Variants in MAK observed in about 807,000 individuals in gnomAD.
MAK encodes male germ cell associated kinase.
In MAK, 65 loss-of-function variants were observed where a neutral mutation model predicts 82.6. The ratio of observed to expected loss-of-function variants is 0.79; its 90% CI spans 0.64 to 0.97. The LOEUF is 0.97. Among genes scored for constraint, MAK ranks in the 50% least tolerant of loss-of-function variants. The probability of loss-of-function intolerance (pLI) is 0.00; values close to 1 mark genes in which losing one functional copy is unlikely to be tolerated. For missense variants in MAK, 703 were observed against 780.2 expected, an observed-to-expected ratio of 0.90 and a Z score of 1.18; for synonymous variants, 250 against 274.2, an observed-to-expected ratio of 0.91 and a Z score of 0.87.
chr6:10,818,816 A>C (rs573738211), intron 3 of MAK, 70 bp downstream of exon 3: 1 of 833,578 alleles, frequency 1.2e-6, no homozygotes, highest in African/African-American at 1.7e-5. Flanking sequence ...CAGAGAATAA[A>C]ATCATCTTAA....
At chr6:10,828,737 G>T (rs563480) in intron 2 of MAK, among the ~76,000 whole-genome samples, 8,603 of 152,146 alleles carry the variant, frequency 0.057, 272 homozygotes, top group Admixed American at 0.099. Context: ...TGAGGCTATA[G>T]TGAGCTATGT....
chr6:10,837,195 A>C (rs1193646259), intron 1 of MAK, among the ~76,000 whole-genome samples: 1 of 152,244 alleles, frequency 6.6e-6, no homozygotes, highest in African/African-American at 2.4e-5. Flanking sequence ...CAAAAGAGTA[A>C]TTAACGTTTT....
intron 4 of MAK, 32 bp downstream of exon 4, chr6:10,817,817 GA>G: frequency 6.9e-7 from 1 of 1,451,422 alleles, no homozygotes; most frequent in South Asian, 1.1e-5. Flanking sequence ...CTCATGGAGA[GA>G]ATAACAGGGA....
chr6:10,780,472 T>G (rs1309668798), intron 11 of MAK, among the ~76,000 whole-genome samples: 1 of 150,404 alleles, frequency 6.6e-6, no homozygotes, highest in African/African-American at 2.4e-5. Context: ...TTTTTTTTTT[T>G]TGAGACAGAG....
At chr6:10,810,750 T>A (rs1164987931) in intron 5 of MAK, among the ~76,000 whole-genome samples, 2 of 152,230 alleles carry the variant, frequency 1.3e-5, no homozygotes, top group African/African-American at 4.8e-5. Flanking sequence ...ATCCAGTACT[T>A]CTTACTCTAA....
At chr6:10,836,517 T>C (rs1344644195) in intron 1 of MAK, among the ~76,000 whole-genome samples, 1 of 152,190 alleles carries the variant, frequency 6.6e-6, no homozygotes, top group African/African-American at 2.4e-5. Context: ...GCAACTACTT[T>C]TATCAATGTG....
intron 11 of MAK, chr6:10,779,540 A>G (rs550060486): frequency 1.1e-4 from 109 of 949,268 alleles, no homozygotes; most frequent in Non-Finnish European, 1.3e-4. Flanking sequence ...AGAATCCTAA[A>G]AGTCGATGCT....
Position 10,764,778 on chromosome 6 carries a change from T to G in MAK, c.1793-172A>C, listed in dbSNP as rs114024457. ...TAAAACCAAAAATTCTAGTGTAGTA[T>G]TATGTTGACATCCATTAGAATTTCC... On this transcript the variant is annotated intron_variant, in intron 14 of 14. Transcript: ENST00000354489. Among the ~76,000 whole-genome samples the G allele has an allele frequency of 6.4e-3, 970 of 152,270 alleles. 11 individuals are homozygous for G. The highest frequency in any genetic ancestry group is 0.022 in the African/African-American group (924 of 41,550).
intron 1 of MAK, among the ~76,000 whole-genome samples, chr6:10,834,149 G>A (rs1779000540): frequency 6.6e-6 from 1 of 152,090 alleles, no homozygotes; most frequent in African/African-American, 2.4e-5. Context: ...ATATTCAATT[G>A]CTGTACACTC....
At chr6:10,808,028 A>G (rs766307474) in intron 6 of MAK, among the ~76,000 whole-genome samples, 8 of 151,946 alleles carry the variant, frequency 5.3e-5, no homozygotes, top group Admixed American at 1.3e-4. Context: ...AGATCACGCC[A>G]TTGCACTCCA....
chr6:10,828,834 A>C (rs961253210), intron 2 of MAK, among the ~76,000 whole-genome samples: 1 of 152,180 alleles, frequency 6.6e-6, no homozygotes, highest in Non-Finnish European at 1.5e-5. Context: ...AGACATGCAC[A>C]ACGAGAAGAT....
chr6:10,774,928 G>C (rs189553608), intron 12 of MAK, among the ~76,000 whole-genome samples: 1 of 152,336 alleles, frequency 6.6e-6, no homozygotes, highest in Admixed American at 6.5e-5. Flanking sequence ...TGGAGGTCGA[G>C]AATTCCCTTA....
intron 4 of MAK, among the ~76,000 whole-genome samples, chr6:10,815,055 G>T (rs369249404): frequency 5.3e-5 from 8 of 149,740 alleles, no homozygotes; most frequent in East Asian, 2.0e-4. Flanking sequence ...AAAAAATAAA[G>T]AAAGAAATAT....
In MAK at chr6:10,775,365, G is replaced by A. The variant is rs756785609; in HGVS notation, c.1560C>T (p.Pro520=). 23 of 1,613,712 alleles carry A rather than the reference G, an allele frequency of 1.4e-5. No individual in the cohort carries two copies. Among genetic ancestry groups the A allele is most frequent in the South Asian group, 3.3e-5 (3 of 91,070 alleles). ...TTTTGAAAGCAAGTTCTGCCCCAACGGGTCCCAGTGACTTGGGGAATAACT... is the reference window on the plus strand; with the variant it reads ...TTTTGAAAGCAAGTTCTGCCCCAACAGGTCCCAGTGACTTGGGGAATAACT... ...SNQLFPKSLG[P]VGAELAFKRS... Residue 520 remains proline (P), a synonymous_variant, in exon 12 of 15, where the codon CCC becomes CCT. Transcript: ENST00000354489.
At chr6:10,815,879 C>T (rs1777429670) in intron 4 of MAK, among the ~76,000 whole-genome samples, 1 of 142,740 alleles carries the variant, frequency 7.0e-6, no homozygotes, top group African/African-American at 2.7e-5. Context: ...CCACATCTGA[C>T]TAATGGGTAC....
chr6:10,786,064 G>C (rs1002298742), intron 10 of MAK, among the ~76,000 whole-genome samples: 7 of 152,068 alleles, frequency 4.6e-5, no homozygotes, highest in African/African-American at 1.7e-4. Flanking sequence ...GGCCAACATG[G>C]TGAAACCCTG....
intron 8 of MAK, among the ~76,000 whole-genome samples, chr6:10,796,567 A>G (rs960008554): frequency 6.6e-6 from 1 of 152,234 alleles, no homozygotes; most frequent in Non-Finnish European, 1.5e-5. Context: ...GCACTTTGGG[A>G]GGATGAGGTG....
At chr6:10,789,185 T>C (rs1278127992) in intron 10 of MAK, among the ~76,000 whole-genome samples, 1 of 151,156 alleles carries the variant, frequency 6.6e-6, no homozygotes, top group Admixed American at 6.6e-5. Context: ...AAAAGAATTA[T>C]CCAAGCATAT....
At chr6:10,829,212 C>G (rs890509388) in intron 2 of MAK, 1 of 152,194 alleles carries the variant, frequency 6.6e-6, no homozygotes, top group African/African-American at 2.4e-5. Flanking sequence ...AATCACTAAG[C>G]TTTGCAGGTA....
Sources: allele counts gnomAD v4.1 joint callset (sites outside exome capture counted in the v4.1 genomes callset), GRCh38; gene constraint gnomAD v4.1.1; transcripts MANE v1.5; gene names NCBI Gene and HGNC (gene_info 2026-07-23, HGNC 2026-07-21).